MN1: variants seen among roughly 807,000 people sequenced by gnomAD.
MN1 encodes MN1 proto-oncogene, transcriptional regulator.
In MN1, 19 loss-of-function variants were observed where a neutral mutation model predicts 86.9. The ratio of observed to expected loss-of-function variants is 0.22; its 90% CI spans 0.15 to 0.32. The LOEUF (loss-of-function observed/expected upper bound fraction) is 0.32, where lower values mean the gene tolerates loss of function less well. Ranked by LOEUF, MN1 falls within the 10% of genes least tolerant of loss-of-function variation. MN1 has a pLI of 1.00. For synonymous variants in MN1, 928 were observed against 849.6 expected (o/e 1.09, Z -1.60); for missense variants, 1,841 against 1,862.0 (o/e 0.99, Z 0.21).
intron 1 of MN1, among the ~76,000 whole-genome samples, chr22:27,769,009 C>G (rs556749239): frequency 1.3e-5 from 2 of 152,222 alleles, no homozygotes; most frequent in Admixed American, 1.3e-4. Context: ...GCATCAGTGG[C>G]TGCCATGACA....
At chr22:27,794,010 G>A (rs1216237211) in intron 1 of MN1, among the ~76,000 whole-genome samples, 1 of 152,100 alleles carries the variant, frequency 6.6e-6, no homozygotes, top group South Asian at 2.1e-4. Context: ...AAAATGCTGG[G>A]GCTGGTACCT....
In MN1 at chr22:27,798,431, T is replaced by A. The variant is rs1933350290; in HGVS notation, c.2113A>T (p.Ser705Cys). 2.6e-6 allele frequency: 4 copies of A among 1,552,126 alleles called. No individual in the cohort carries two copies. Among genetic ancestry groups the A allele is most frequent in the Admixed American group, 1.8e-5 (1 of 54,712 alleles). ...LPSPGLQFGG[S>C]LGGLGQLQSP... ...TGCAGCTGACCCAGGCCTCCCAGAC[T>A]GCCCCCGAACTGCAGGCCCGGTGAA... Residue 705 changes from serine (S) to cysteine (C), a missense_variant, in exon 1 of 2, where the codon AGT becomes TGT. Ser to Cys is a moderately radical substitution (Grantham distance 112). Coordinates refer to ENST00000302326, the MANE Select transcript of MN1 (RefSeq NM_002430.3).
rs1471131849 is a variant in MN1 at position 27,798,850 on chromosome 22, T to C, written c.1694A>G (p.Asn565Ser). Residue 565 changes from asparagine (N) to serine (S), a missense_variant, in exon 1 of 2, where the codon AAT (asparagine) becomes AGT (serine). Physicochemically the swap from Asn to Ser is conservative, Grantham distance 46 (BLOSUM62 1). Coordinates refer to ENST00000302326, the MANE Select transcript of MN1 (RefSeq NM_002430.3). ...GGGCTGGCGCAGCCGCTGCTGCTGA[T>C]TCCGCGACGCCATCTGCTTAATCAT... The part of the protein sequence containing the change: ...ALMIKQMASR[N>S]QQQRLRQPNL... 1 of 1,542,520 alleles carries C rather than the reference T, an allele frequency of 6.5e-7. No individual in the cohort carries two copies. Among genetic ancestry groups the C allele is most frequent in the Non-Finnish European group, 8.7e-7 (1 of 1,146,884 alleles).
chr22:27,758,521 G>C (rs1219254303), intron 1 of MN1, among the ~76,000 whole-genome samples: 1 of 152,140 alleles, frequency 6.6e-6, no homozygotes, highest in African/African-American at 2.4e-5. Flanking sequence ...CTCTGGCAGA[G>C]GGGTGTTCTG....
At chr22:27,777,155 C>A (rs1932988722) in intron 1 of MN1, among the ~76,000 whole-genome samples, 1 of 152,210 alleles carries the variant, frequency 6.6e-6, no homozygotes, top group Admixed American at 6.5e-5. Flanking sequence ...CAAGAGATTT[C>A]TTCCGAAAGC....
intron 1 of MN1, among the ~76,000 whole-genome samples, chr22:27,795,045 T>A (rs1374724479): frequency 3.0e-5 from 4 of 132,614 alleles, no homozygotes; most frequent in Admixed American, 7.9e-5. Context: ...GGAGGCTGTG[T>A]CCAACTCGAT....
chr22:27,761,432 GAA>G (rs5844790), intron 1 of MN1, among the ~76,000 whole-genome samples: 61 of 140,272 alleles, frequency 4.3e-4, no homozygotes, highest in East Asian at 8.5e-4. Flanking sequence ...CTTTTTGGGG[GAA>G]AAAAAAAAAA....
chr22:27,796,710 T>C, intron 1 of MN1, 53 bp downstream of exon 1: 1 of 1,522,658 alleles, frequency 6.6e-7, no homozygotes, highest in South Asian at 1.2e-5. Context: ...AGTCCTGCCC[T>C]GGGGATGGGG....
chr22:27,772,044 C>T (rs1932921595), intron 1 of MN1, among the ~76,000 whole-genome samples: 1 of 152,230 alleles, frequency 6.6e-6, no homozygotes, highest in Admixed American at 6.5e-5. Context: ...TTTGCTGAGG[C>T]TTCTCGGTTA....
chr22:27,780,122 A>T (rs1216922164), intron 1 of MN1, among the ~76,000 whole-genome samples: 2 of 152,100 alleles, frequency 1.3e-5, no homozygotes, highest in Non-Finnish European at 2.9e-5. Context: ...TTTCTCAGAC[A>T]CCTTGGGCTC....
chr22:27,759,295 C>T (rs1418917901), intron 1 of MN1, among the ~76,000 whole-genome samples: 1 of 152,156 alleles, frequency 6.6e-6, no homozygotes, highest in Non-Finnish European at 1.5e-5. Flanking sequence ...ACACTTGATC[C>T]CTGGGCCACG....
chr22:27,763,606 A>G (rs1432674081), intron 1 of MN1, among the ~76,000 whole-genome samples: 1 of 152,182 alleles, frequency 6.6e-6, no homozygotes, highest in Admixed American at 6.5e-5. Context: ...TCCTGCTACC[A>G]TTATCAATTC....
intron 1 of MN1, among the ~76,000 whole-genome samples, chr22:27,769,990 C>T (rs1027991834): frequency 6.6e-6 from 1 of 152,122 alleles, no homozygotes; most frequent in African/African-American, 2.4e-5. Context: ...AAAGGAGAGT[C>T]GATGGCTCAG....
chr22:27,776,911 G>A (rs1340643644), intron 1 of MN1, among the ~76,000 whole-genome samples: 1 of 152,158 alleles, frequency 6.6e-6, no homozygotes, highest in Non-Finnish European at 1.5e-5. Flanking sequence ...GGAGAGGAGG[G>A]GGAGCCGGTG....
chr22:27,795,365 C>T (rs1933276692), intron 1 of MN1, among the ~76,000 whole-genome samples: 1 of 152,264 alleles, frequency 6.6e-6, no homozygotes, highest in South Asian at 2.1e-4. Context: ...CTCTCGCTTC[C>T]TCTCCTCTTG....
intron 1 of MN1, among the ~76,000 whole-genome samples, chr22:27,782,553 G>T (rs574248235): frequency 6.6e-6 from 1 of 152,350 alleles, no homozygotes; most frequent in South Asian, 2.1e-4. Flanking sequence ...CTGGTATATA[G>T]TCAGTGCTCA....
At chr22:27,770,231 G>C (rs567310730) in intron 1 of MN1, among the ~76,000 whole-genome samples, 1 of 152,314 alleles carries the variant, frequency 6.6e-6, no homozygotes, top group South Asian at 2.1e-4. Context: ...TGCTGATCAG[G>C]TGTAACCTGG....
Position 27,800,044 on chromosome 22 carries a change from G to A in MN1, c.500C>T (p.Pro167Leu), listed in dbSNP as rs1933402185. 2 of 1,602,160 alleles carry A rather than the reference G, an allele frequency of 1.2e-6. No homozygotes were observed. Among genetic ancestry groups the A allele is most frequent in the Non-Finnish European group, 1.7e-6 (2 of 1,179,236 alleles). The change falls in exon 1 of 2, where the codon CCG becomes CTG. Residue 167 changes from proline to leucine, a missense_variant. Physicochemically the swap from Pro to Leu is moderately conservative, Grantham distance 98 (BLOSUM62 -3). Transcript: ENST00000302326. ...AESQGPESFG[P>L]QRPGNLPDFH... Reference sequence around the variant, plus strand: ...GTCCGGGAGGTTCCCCGGTCGCTGCGGGCCGAAGCTCTCAGGCCCCTGGCT... The same window carrying A: ...GTCCGGGAGGTTCCCCGGTCGCTGCAGGCCGAAGCTCTCAGGCCCCTGGCT...
At chr22:27,788,363 A>G (rs45465600) in intron 1 of MN1, among the ~76,000 whole-genome samples, 1,766 of 152,280 alleles carry the variant, frequency 0.012, 38 homozygotes, top group African/African-American at 0.04. Context: ...CAAACAGCAC[A>G]CAGGGACCAG....
Sources: allele counts gnomAD v4.1 joint callset (sites outside exome capture counted in the v4.1 genomes callset), GRCh38; gene constraint gnomAD v4.1.1; transcripts MANE v1.5; gene names NCBI Gene and HGNC (gene_info 2026-07-23, HGNC 2026-07-21).